NUP210: variants seen among roughly 807,000 people sequenced by gnomAD.
NUP210 encodes the protein nucleoporin 210, also known as nuclear pore membrane glycoprotein 210.
Under a neutral mutation model 196.0 loss-of-function variants are expected in NUP210, and 151 were observed. The observed-to-expected ratio is 0.77, with a 90% CI of 0.67 to 0.88. NUP210 has a LOEUF of 0.88. Among genes scored for constraint, NUP210 ranks in the 40% least tolerant of loss-of-function variants. The probability of loss-of-function intolerance (pLI) is 0.00; values close to 1 mark genes in which losing one functional copy is unlikely to be tolerated. For missense variants in NUP210, 2,314 were observed against 2,493.7 expected, an observed-to-expected ratio of 0.93 and a Z score of 1.53; for synonymous variants, 1,070 against 1,052.7, an observed-to-expected ratio of 1.02 and a Z score of -0.32.
intron 20 of NUP210, among the ~76,000 whole-genome samples, chr3:13,343,767 C>G (rs555987261): frequency 6.6e-6 from 1 of 152,302 alleles, no homozygotes; most frequent in South Asian, 2.1e-4. Flanking sequence ...ATGGGGTCTT[C>G]TGTGAAACCG....
intron 6 of NUP210, among the ~76,000 whole-genome samples, chr3:13,385,668 A>C (rs1467993493): frequency 2.0e-5 from 3 of 152,260 alleles, no homozygotes; most frequent in African/African-American, 7.2e-5. Context: ...ACTTGCTGCC[A>C]CTGAAAGGGC....
chr3:13,321,867 C>T (rs1696545229), intron 35 of NUP210, 32 bp from the exon 36 acceptor site: 1 of 1,591,372 alleles, frequency 6.3e-7, no homozygotes, highest in Admixed American at 1.7e-5. Flanking sequence ...GTCTTGTCCC[C>T]TCTCCTGCCC....
At chr3:13,330,682 G>A (rs1696960803) in intron 29 of NUP210, 48 bp from the exon 30 acceptor site, 1 of 1,556,566 alleles carries the variant, frequency 6.4e-7, no homozygotes, top group Non-Finnish European at 8.8e-7. Flanking sequence ...AGCAGTGGGA[G>A]TGGGCCTGGA....
At chr3:13,358,614 T>C (rs919907033) in intron 15 of NUP210, among the ~76,000 whole-genome samples, 1 of 152,110 alleles carries the variant, frequency 6.6e-6, no homozygotes, top group African/African-American at 2.4e-5. Flanking sequence ...TGGGAGCCCA[T>C]GTGCCCTATG....
chr3:13,343,731 C>T (rs1245673012), intron 20 of NUP210, among the ~76,000 whole-genome samples: 1 of 152,232 alleles, frequency 6.6e-6, no homozygotes, highest in Non-Finnish European at 1.5e-5. Flanking sequence ...CCTGCTGCTG[C>T]AGCCCTGGTG....
intron 13 of NUP210, among the ~76,000 whole-genome samples, chr3:13,367,177 C>T (rs1276929476): frequency 6.6e-6 from 1 of 151,832 alleles, no homozygotes. Context: ...TGGCTCACAC[C>T]TGCAATCCCA....
At chr3:13,395,122 G>A (rs1699609838) in intron 3 of NUP210, among the ~76,000 whole-genome samples, 1 of 152,174 alleles carries the variant, frequency 6.6e-6, no homozygotes, top group African/African-American at 2.4e-5. Flanking sequence ...GGGAGTGTGA[G>A]AGGAAACCAT....
At chr3:13,361,732 T>C (rs981575459) in intron 14 of NUP210, among the ~76,000 whole-genome samples, 1 of 152,190 alleles carries the variant, frequency 6.6e-6, no homozygotes, top group Non-Finnish European at 1.5e-5. Flanking sequence ...GACACAGACC[T>C]GACCCTGTCC....
intron 1 of NUP210, among the ~76,000 whole-genome samples, chr3:13,406,253 G>A (rs1699997021): frequency 1.3e-5 from 2 of 152,148 alleles, no homozygotes; most frequent in South Asian, 2.1e-4. Flanking sequence ...TCTGATATAA[G>A]CTGCCATTCT....
At chr3:13,367,296 G>A (rs1020287004) in intron 13 of NUP210, among the ~76,000 whole-genome samples, 1 of 152,012 alleles carries the variant, frequency 6.6e-6, no homozygotes, top group South Asian at 2.1e-4. Flanking sequence ...TTAGCCGCGT[G>A]TGGTGGCGCC....
intron 29 of NUP210, among the ~76,000 whole-genome samples, chr3:13,332,056 A>G (rs1377368712): frequency 6.6e-6 from 1 of 152,188 alleles, no homozygotes; most frequent in Non-Finnish European, 1.5e-5. Context: ...AGTACCTCGC[A>G]TAAAAATGTT....
chr3:13,389,284 A>AG (rs1266407226), intron 4 of NUP210, among the ~76,000 whole-genome samples: 1 of 152,192 alleles, frequency 6.6e-6, no homozygotes, highest in Non-Finnish European at 1.5e-5. Context: ...TGGAAGCTCA[A>AG]GGGGTGGGGA....
At chr3:13,411,012 A>G (rs898050808) in intron 1 of NUP210, among the ~76,000 whole-genome samples, 5 of 151,834 alleles carry the variant, frequency 3.3e-5, no homozygotes, top group African/African-American at 1.2e-4. Context: ...GCTTGAGGCC[A>G]GTAGTTTGAA....
chr3:13,373,785 C>G lies in NUP210; in HGVS notation c.1520G>C (p.Ser507Thr). 6.2e-7 allele frequency: 1 copy of G among 1,614,190 alleles called. No homozygotes were observed. The highest frequency in any genetic ancestry group is 2.2e-5 in the East Asian group (1 of 44,880). The part of the protein sequence containing the change: ...VTVKGVMTTG[S>T]DIGFSVIQAH... ...CTGGATCACACTGAACCCGATGTCA[C>G]TGCCTGTGGTCATCACGCCCTTGAC... Residue 507 changes from serine to threonine, a missense_variant, in exon 12 of 40, where the codon AGT (serine) becomes ACT (threonine). Transcript: ENST00000254508.
chr3:13,323,359 G>A lies in NUP210; in HGVS notation c.4718C>T (p.Thr1573Ile), dbSNP rs1576340998. 1.2e-6 allele frequency: 2 copies of A among 1,613,620 alleles called. No individual in the cohort carries two copies. The highest frequency in any genetic ancestry group is 8.5e-7 in the Non-Finnish European group (1 of 1,179,522). ...CACGGCAACAATCACTTTGGAGGCT[G>A]TAGCCTCCTGGAAGCTGGTCTGGAT... is the stretch of plus-strand genomic sequence containing the variant. ...HPIQTSFQEATASKVIVAVGD... is the reference protein window; with the variant it reads ...HPIQTSFQEAIASKVIVAVGD... Residue 1573 changes from threonine to isoleucine, a missense_variant, in exon 34 of 40, where the codon ACA (threonine) becomes ATA (isoleucine). Coordinates refer to ENST00000254508, the MANE Select transcript of NUP210 (RefSeq NM_024923.4). The surrounding 1 kb of genome is among the most constrained non-coding windows in gnomAD (Gnocchi z 4.3).
chr3:13,343,334 GGTGGT>G, intron 20 of NUP210, 31 bp from the exon 21 acceptor site: 3 of 1,591,020 alleles, frequency 1.9e-6, no homozygotes, highest in Non-Finnish European at 2.6e-6. Context: ...TGGAGGGGTG[GGTGGT>G]GGGTTACGCA....
At chr3:13,363,653 G>A (rs1698439353) in intron 14 of NUP210, among the ~76,000 whole-genome samples, 1 of 152,144 alleles carries the variant, frequency 6.6e-6, no homozygotes. Context: ...TTCCTCTATT[G>A]GTTAAGTCCC....
chr3:13,318,185 G>A (rs923353085), intron 39 of NUP210, among the ~76,000 whole-genome samples: 1 of 152,198 alleles, frequency 6.6e-6, no homozygotes, highest in African/African-American at 2.4e-5. Context: ...AGAGATCCAG[G>A]TGTGGCTCCC....
At chr3:13,418,510 G>A (rs1223276432) in intron 1 of NUP210, among the ~76,000 whole-genome samples, 1 of 140,290 alleles carries the variant, frequency 7.1e-6, no homozygotes, top group African/African-American at 3.2e-5. Flanking sequence ...GCTGAGGCAG[G>A]TGGATCGCTT....
Sources: allele counts gnomAD v4.1 joint callset (sites outside exome capture counted in the v4.1 genomes callset), GRCh38; gene constraint gnomAD v4.1.1; non-coding constraint Gnocchi (gnomAD v3.1); transcripts MANE v1.5; gene names NCBI Gene and HGNC (gene_info 2026-07-23, HGNC 2026-07-21).